The following PIBF1 variants were observed in gnomAD, a reference collection of about 807,000 sequenced individuals.
PIBF1 encodes progesterone immunomodulatory binding factor 1, also known as progesterone-induced-blocking factor 1.
PIBF1 carries 90 observed loss-of-function variants against 112.5 expected under a neutral mutation model. That is an observed-to-expected ratio of 0.80 (90% confidence interval 0.67 to 0.95). The LOEUF (loss-of-function observed/expected upper bound fraction) is 0.95, where lower values mean the gene tolerates loss of function less well. PIBF1 is among the 40% of genes least tolerant of loss of function. The pLI is 0.00. For synonymous variants in PIBF1, 301 were observed against 288.6 expected (o/e 1.04, Z -0.44); for missense variants, 915 against 852.3 (o/e 1.07, Z -0.92).
At chr13:72,947,849 A>G (rs9543180) in intron 14 of PIBF1, among the ~76,000 whole-genome samples, 16,942 of 152,264 alleles carry the variant, frequency 0.11, 1,282 homozygotes, top group Non-Finnish European at 0.16. Context: ...ATGCTCATCA[A>G]TGATAGGCTG....
At chr13:72,935,056 G>T (rs1441668391) in intron 14 of PIBF1, among the ~76,000 whole-genome samples, 3 of 152,096 alleles carry the variant, frequency 2.0e-5, no homozygotes, top group Non-Finnish European at 4.4e-5. Flanking sequence ...TGCAATCTTG[G>T]CTCACCACAA....
chr13:72,972,832 A>G (rs764861118), intron 15 of PIBF1, among the ~76,000 whole-genome samples: 4 of 152,202 alleles, frequency 2.6e-5, no homozygotes, highest in Non-Finnish European at 4.4e-5. Flanking sequence ...TTTCAAGTTT[A>G]TCACAGACTA....
In PIBF1 at chr13:72,790,421, T is replaced by TCACACACACACACA. The variant is rs57599910; in HGVS notation, c.253-1996_253-1983dup. ...TCAGTTAGAGTTTAGGAGGAGTCCA[T>TCACACACACACACA]CACACACACACACACACACACACAC... On this transcript the variant is annotated intron_variant, in intron 2 of 17. Coordinates refer to ENST00000326291, the MANE Select transcript of PIBF1 (RefSeq NM_006346.4). Among the ~76,000 whole-genome samples the TCACACACACACACA allele has an allele frequency of 1.9e-3, 262 of 135,630 alleles. 6 individuals are homozygous for TCACACACACACACA. Among genetic ancestry groups the TCACACACACACACA allele is most frequent in the East Asian group, 0.014 (68 of 4,714 alleles). The allele number at this position is 135,630 out of a possible 152,430, so 89.0% of individuals were successfully genotyped here.
intron 5 of PIBF1, among the ~76,000 whole-genome samples, chr13:72,821,067 A>C (rs2138119709): frequency 6.6e-6 from 1 of 152,336 alleles, no homozygotes; most frequent in African/African-American, 2.4e-5. Flanking sequence ...TGAAGGAGAC[A>C]AGCATTTAGA....
chr13:72,972,238 C>T (rs944738951), intron 15 of PIBF1, among the ~76,000 whole-genome samples: 4 of 151,744 alleles, frequency 2.6e-5, no homozygotes, highest in Non-Finnish European at 4.4e-5. Context: ...CTCTGTGTTG[C>T]CCAGACTAGG....
At chr13:72,977,517 C>T (rs2043054416) in intron 16 of PIBF1, among the ~76,000 whole-genome samples, 1 of 152,096 alleles carries the variant, frequency 6.6e-6, no homozygotes, top group Non-Finnish European at 1.5e-5. Context: ...CTAGCTCTAA[C>T]TTTTTTTAGC....
intron 9 of PIBF1, among the ~76,000 whole-genome samples, chr13:72,841,809 G>A (rs569416319): frequency 2.6e-5 from 4 of 152,200 alleles, no homozygotes; most frequent in African/African-American, 9.6e-5. Context: ...ACTTTTTAGG[G>A]TGGCCCGTGA....
At chr13:72,908,217 T>C (rs1215933213) in intron 11 of PIBF1, among the ~76,000 whole-genome samples, 1 of 152,204 alleles carries the variant, frequency 6.6e-6, no homozygotes, top group African/African-American at 2.4e-5. Context: ...TATGTAAATA[T>C]GACATTGTAT....
intron 13 of PIBF1, among the ~76,000 whole-genome samples, chr13:72,927,950 T>TATATATATACACATATATATATATATAC (rs1566457590): frequency 9.3e-5 from 6 of 64,252 alleles, no homozygotes; most frequent in Non-Finnish European, 9.2e-5. Context: ...TGTGTGTATA[T>TATATATATACACATATATATATATATAC]ATATATATAC....
intron 14 of PIBF1, among the ~76,000 whole-genome samples, chr13:72,939,449 G>A (rs2041954903): frequency 1.3e-5 from 2 of 151,970 alleles, no homozygotes; most frequent in African/African-American, 4.8e-5. Context: ...TACTTCATCT[G>A]GATATGTTTC....
chr13:72,892,257 A>G (rs1340295937), intron 10 of PIBF1, among the ~76,000 whole-genome samples: 6 of 152,164 alleles, frequency 3.9e-5, no homozygotes, highest in Non-Finnish European at 7.4e-5. Context: ...AAAGTTTTAT[A>G]TAATTAATGC....
At chr13:72,925,622 A>C (rs1359282454) in intron 13 of PIBF1, among the ~76,000 whole-genome samples, 2 of 143,422 alleles carry the variant, frequency 1.4e-5, no homozygotes, top group African/African-American at 5.3e-5. Context: ...GCTCACTGCA[A>C]GCTCCGCCTC....
At chr13:72,922,709 A>G (rs879758548) in intron 13 of PIBF1, among the ~76,000 whole-genome samples, 1 of 152,094 alleles carries the variant, frequency 6.6e-6, no homozygotes, top group African/African-American at 2.4e-5. Context: ...AATTTTGTGT[A>G]TGACAAACAT....
chr13:72,939,576 G>C (rs1301583899), intron 14 of PIBF1, among the ~76,000 whole-genome samples: 1 of 151,986 alleles, frequency 6.6e-6, no homozygotes, highest in Non-Finnish European at 1.5e-5. Flanking sequence ...CCCTTTTTAT[G>C]GCCGAATAAT....
At chr13:72,976,461 A>G (rs1453950717) in intron 16 of PIBF1, among the ~76,000 whole-genome samples, 1 of 152,208 alleles carries the variant, frequency 6.6e-6, no homozygotes, top group Non-Finnish European at 1.5e-5. Flanking sequence ...GCATATTTAG[A>G]TAATTGTCAG....
chr13:72,936,940 CTTCT>C (rs1443732514), intron 14 of PIBF1, among the ~76,000 whole-genome samples: 1 of 151,976 alleles, frequency 6.6e-6, no homozygotes, highest in Non-Finnish European at 1.5e-5. Context: ...TTATTTACGT[CTTCT>C]TTAATTTATC....
At position 72,919,648 on chromosome 13, in the gene PIBF1, G is replaced by T. The variant is rs80238080; in HGVS notation, c.1730+2482G>T. The stretch of plus-strand genomic sequence containing the variant: ...TATTCTTTTCTCTATTTTGGCCTCT[G>T]AATCCTTCAAAAGAATCTTTGTTAC... On this transcript the variant is annotated intron_variant, in intron 13 of 17. Coordinates refer to ENST00000326291, the MANE Select transcript of PIBF1 (RefSeq NM_006346.4). Among the ~76,000 whole-genome samples, 1,288 of 152,178 alleles carry T rather than the reference G, an allele frequency of 8.5e-3. 64 individuals are homozygous for T. The highest frequency in any genetic ancestry group is 9.5e-3 in the East Asian group (49 of 5,182).
chr13:72,869,907 A>G (rs750108256), intron 10 of PIBF1, among the ~76,000 whole-genome samples: 1 of 152,136 alleles, frequency 6.6e-6, no homozygotes, highest in Admixed American at 6.5e-5. Flanking sequence ...AATAAAAAAG[A>G]CTAGCAATAG....
intron 17 of PIBF1, among the ~76,000 whole-genome samples, chr13:73,004,655 T>C (rs2139043026): frequency 6.6e-6 from 1 of 152,334 alleles, no homozygotes; most frequent in South Asian, 2.1e-4. Flanking sequence ...GCCAATTCAC[T>C]ATCTGTTAAT....
Sources: allele counts gnomAD v4.1 joint callset (sites outside exome capture counted in the v4.1 genomes callset), GRCh38; gene constraint gnomAD v4.1.1; transcripts MANE v1.5; gene names NCBI Gene and HGNC (gene_info 2026-07-23, HGNC 2026-07-21).